Variants in STXBP5L observed in about 807,000 individuals in gnomAD.
STXBP5L encodes syntaxin binding protein 5L, also known as syntaxin-binding protein 5-like.
A neutral mutation model predicts 144.5 loss-of-function variants in STXBP5L; 65 were observed. The observed-to-expected ratio is 0.45, with a 90% CI of 0.37 to 0.55. The LOEUF is 0.55. Ranked by LOEUF, STXBP5L falls within the 20% of genes least tolerant of loss-of-function variation. The probability of loss-of-function intolerance (pLI) is 0.00; values close to 1 mark genes in which losing one functional copy is unlikely to be tolerated. For missense variants in STXBP5L, 1,298 were observed against 1,405.5 expected (o/e 0.92, Z 1.22); for synonymous variants, 505 against 469.6 (o/e 1.08, Z -0.97).
At chr3:120,922,483 A>G (rs1709405459) in intron 2 of STXBP5L, among the ~76,000 whole-genome samples, 1 of 152,014 alleles carries the variant, frequency 6.6e-6, no homozygotes, top group African/African-American at 2.4e-5. Context: ...TGCTATAGTC[A>G]GGACTTTCTG....
chr3:121,388,011 A>G (rs1399360846), intron 22 of STXBP5L, among the ~76,000 whole-genome samples: 1 of 152,152 alleles, frequency 6.6e-6, no homozygotes, highest in Non-Finnish European at 1.5e-5. Flanking sequence ...CATTTTCACA[A>G]TATTGATTCT....
chr3:121,307,656 A>T (rs1204804056), intron 19 of STXBP5L, among the ~76,000 whole-genome samples: 1 of 152,142 alleles, frequency 6.6e-6, no homozygotes, highest in Non-Finnish European at 1.5e-5. Flanking sequence ...TATGAAGAAA[A>T]ATAAAGTCTC....
chr3:121,132,894 G>T (rs2045060768), intron 7 of STXBP5L, among the ~76,000 whole-genome samples: 1 of 152,068 alleles, frequency 6.6e-6, no homozygotes, highest in Non-Finnish European at 1.5e-5. Flanking sequence ...TAGAAGAAAG[G>T]ATCAGTGAAC....
chr3:121,043,514 T>C (rs1947300503), intron 4 of STXBP5L, among the ~76,000 whole-genome samples: 1 of 152,046 alleles, frequency 6.6e-6, no homozygotes, highest in African/African-American at 2.4e-5. Context: ...ATCAAGACCA[T>C]CCTGGCCAAC....
intron 20 of STXBP5L, among the ~76,000 whole-genome samples, chr3:121,355,401 C>G (rs1243497511): frequency 2.0e-5 from 3 of 152,072 alleles, no homozygotes; most frequent in Non-Finnish European, 4.4e-5. Flanking sequence ...ACTCGTTTTT[C>G]TCTACCTTGC....
intron 5 of STXBP5L, among the ~76,000 whole-genome samples, chr3:121,051,975 A>T (rs1948041819): frequency 6.6e-6 from 1 of 152,218 alleles, no homozygotes; most frequent in Non-Finnish European, 1.5e-5. Context: ...AAACTAGAAA[A>T]TCTAGAAGAA....
chr3:121,378,987 A>T (rs1244457888), intron 21 of STXBP5L, 101 bp downstream of exon 21: 1 of 1,239,662 alleles, frequency 8.1e-7, no homozygotes, highest in Non-Finnish European at 1.1e-6. Context: ...GAAAGATGTT[A>T]AAAAACTACT....
intron 5 of STXBP5L, among the ~76,000 whole-genome samples, chr3:121,075,132 A>G (rs1483099573): frequency 6.6e-6 from 1 of 152,106 alleles, no homozygotes; most frequent in Non-Finnish European, 1.5e-5. Flanking sequence ...GATTAAATCC[A>G]TATCTGACTT....
chr3:121,093,210 C>T (rs916567196), intron 5 of STXBP5L, among the ~76,000 whole-genome samples: 2 of 152,318 alleles, frequency 1.3e-5, no homozygotes, highest in African/African-American at 4.8e-5. Flanking sequence ...CAATGTTCAT[C>T]AAGGACATTG....
At chr3:121,238,175 G>A (rs1261561794) in intron 12 of STXBP5L, among the ~76,000 whole-genome samples, 1 of 152,200 alleles carries the variant, frequency 6.6e-6, no homozygotes, top group East Asian at 1.9e-4. Flanking sequence ...CCTGAAGCTA[G>A]TAATTTATTT....
At chr3:121,405,759 A>C (rs1482698509) in intron 22 of STXBP5L, among the ~76,000 whole-genome samples, 1 of 152,154 alleles carries the variant, frequency 6.6e-6, no homozygotes, top group Non-Finnish European at 1.5e-5. Context: ...CATTGTTTGG[A>C]AAACTTAAAC....
intron 3 of STXBP5L, among the ~76,000 whole-genome samples, chr3:120,965,707 C>T (rs552016837): frequency 4.6e-5 from 7 of 152,270 alleles, no homozygotes; most frequent in African/African-American, 1.7e-4. Context: ...CTGCCCTTAA[C>T]ATTTTTTCCT....
intron 3 of STXBP5L, among the ~76,000 whole-genome samples, chr3:121,003,613 A>T (rs1000007809): frequency 2.0e-5 from 3 of 152,038 alleles, no homozygotes; most frequent in Non-Finnish European, 4.4e-5. Flanking sequence ...TGTTTTAGAC[A>T]TGAAGTCCTT....
At chr3:121,380,482 A>T (rs1408876556) in intron 21 of STXBP5L, among the ~76,000 whole-genome samples, 2 of 152,152 alleles carry the variant, frequency 1.3e-5, no homozygotes, top group Admixed American at 1.3e-4. Flanking sequence ...CTCTGGAGAG[A>T]TTATAAGAGC....
chr3:121,400,319 T>C (rs1014701784), intron 22 of STXBP5L, among the ~76,000 whole-genome samples: 1 of 152,060 alleles, frequency 6.6e-6, no homozygotes, highest in Non-Finnish European at 1.5e-5. Flanking sequence ...ATAGAGGTGG[T>C]CGGGGTCAGG....
At position 121,045,511 on chromosome 3, in the gene STXBP5L, A is replaced by G; in HGVS notation, c.446A>G (p.His149Arg). 1.9e-6 allele frequency: 3 copies of G among 1,612,486 alleles called. No individual in the cohort carries two copies. The highest frequency in any genetic ancestry group is 2.5e-6 in the Non-Finnish European group (3 of 1,179,180). ...NLRQKRPAIL[H>R]SLKFNRERIT... ...AGACAAAAAAGGCCAGCCATACTCC[A>G]TTCTCTTAAATTTAACCGGGAACGG... The change falls in exon 5 of 27, where the codon CAT becomes CGT. Residue 149 changes from histidine (H) to arginine (R), a missense_variant. By Grantham distance (29) the His-to-Arg change is conservative. Coordinates refer to ENST00000471454, the MANE Select transcript of STXBP5L (RefSeq NM_001308330.2).
chr3:121,060,266 G>A (rs1236543233), intron 5 of STXBP5L, among the ~76,000 whole-genome samples: 1 of 152,132 alleles, frequency 6.6e-6, no homozygotes, highest in Non-Finnish European at 1.5e-5. Context: ...TTATGTGATG[G>A]ATTATGTTTA....
chr3:120,996,366 G>T (rs981606785), intron 3 of STXBP5L, among the ~76,000 whole-genome samples: 4 of 151,562 alleles, frequency 2.6e-5, no homozygotes, highest in Non-Finnish European at 5.9e-5. Context: ...TATATTTAAG[G>T]TATACAATGT....
intron 19 of STXBP5L, chr3:121,282,146 T>G (rs1248455995): frequency 7.2e-6 from 5 of 691,100 alleles, no homozygotes; most frequent in Non-Finnish European, 1.2e-5. Context: ...CTAATCTTGC[T>G]GCAATTTCTT....
Sources: gnomAD v4.1 joint callset for allele counts (sites outside exome capture counted in the v4.1 genomes callset) on GRCh38, gnomAD v4.1.1 for gene constraint, MANE v1.5 for transcripts, NCBI Gene and HGNC (gene_info 2026-07-23, HGNC 2026-07-21) for gene names.